PRKG1: variants seen among roughly 807,000 people sequenced by gnomAD.
PRKG1 encodes protein kinase cGMP-dependent 1.
PRKG1 carries 35 observed loss-of-function variants against 88.1 expected under a neutral mutation model. That is an observed-to-expected ratio of 0.40 (90% confidence interval 0.30 to 0.53). The LOEUF (loss-of-function observed/expected upper bound fraction) is 0.53, where lower values mean the gene tolerates loss of function less well. PRKG1 is among the 20% of genes least tolerant of loss of function. PRKG1 has a pLI of 0.59. For missense variants in PRKG1, 540 were observed against 839.8 expected (o/e 0.64, Z 4.41); for synonymous variants, 303 against 292.5 (o/e 1.04, Z -0.37).
intron 5 of PRKG1, among the ~76,000 whole-genome samples, chr10:52,020,544 G>A (rs765003625): frequency 1.3e-5 from 2 of 152,188 alleles, no homozygotes; most frequent in African/African-American, 4.8e-5. Flanking sequence ...GAACAGGAAA[G>A]AAAGGAAAGT....
At chr10:51,450,869 C>T (rs1564501889) in intron 2 of PRKG1, among the ~76,000 whole-genome samples, 2 of 151,394 alleles carry the variant, frequency 1.3e-5, no homozygotes, top group African/African-American at 4.8e-5. Flanking sequence ...AAAAAGATGC[C>T]CCTCATTGTG....
intron 4 of PRKG1, among the ~76,000 whole-genome samples, chr10:51,819,204 T>C (rs905380903): frequency 6.6e-6 from 1 of 151,612 alleles, no homozygotes; most frequent in African/African-American, 2.4e-5. Context: ...TGTATAGAGA[T>C]CACATGGTGA....
At chr10:51,373,382 A>T (rs1020636778) in intron 2 of PRKG1, among the ~76,000 whole-genome samples, 2 of 152,192 alleles carry the variant, frequency 1.3e-5, no homozygotes, top group African/African-American at 2.4e-5. Context: ...CTAAGGTTTG[A>T]TAAGGAGGTG....
Position 52,120,718 on chromosome 10 carries a change from G to A in PRKG1, c.936-13122G>A, listed in dbSNP as rs188666028. The stretch of plus-strand genomic sequence containing the variant: ...AGGAGTTGGGCTCCCCAGACCTCAG[G>A]CAGCCCCGCCCCTGTGTCTTTGCTG... On this transcript the variant is annotated intron_variant, in intron 7 of 17. Transcript: ENST00000373980. Among the ~76,000 whole-genome samples, 38 of 152,256 alleles carry A rather than the reference G, an allele frequency of 2.5e-4. 1 individual carries two copies. The highest frequency in any genetic ancestry group is 6.8e-3 in the Middle Eastern group (2 of 294).
chr10:51,003,557 G>C (rs537883699), intron 1 of PRKG1, among the ~76,000 whole-genome samples: 1 of 152,210 alleles, frequency 6.6e-6, no homozygotes, highest in African/African-American at 2.4e-5. Context: ...ATGAGCATAC[G>C]CTAAATCTCA....
chr10:52,012,408 A>T (rs1365440425), intron 5 of PRKG1, among the ~76,000 whole-genome samples: 4 of 151,794 alleles, frequency 2.6e-5, no homozygotes, highest in Admixed American at 2.0e-4. Flanking sequence ...CTCCTGGCTA[A>T]TTTTTTTGTA....
At position 52,269,024 on chromosome 10, in the gene PRKG1, TA is replaced by T. The variant is rs745939610; in HGVS notation, c.1174-2323del. On this transcript the variant is annotated intron_variant, in intron 10 of 17. Transcript: ENST00000373980. ...GAATTCAAGTCCAGACCTGTGACTA[TA>T]AAGGCTGAATTCTTTCCTCCTACCC... Among the ~76,000 whole-genome samples, 62 of 151,614 alleles carry T rather than the reference TA, an allele frequency of 4.1e-4. 1 individual carries two copies. Among genetic ancestry groups the T allele is most frequent in the Admixed American group, 2.0e-4 (3 of 15,218 alleles).
intron 3 of PRKG1, among the ~76,000 whole-genome samples, chr10:51,763,139 G>A (rs980818966): frequency 1.3e-5 from 2 of 152,068 alleles, no homozygotes; most frequent in Non-Finnish European, 2.9e-5. Context: ...TTTTTGCATG[G>A]TTCTTGGAGA....
intron 8 of PRKG1, among the ~76,000 whole-genome samples, chr10:52,161,555 G>A (rs1468907619): frequency 6.6e-6 from 1 of 152,010 alleles, no homozygotes; most frequent in Non-Finnish European, 1.5e-5. Flanking sequence ...TATTTTAATT[G>A]ACTGATTAAC....
At chr10:52,026,306 CAAAAT>C (rs1389546156) in intron 5 of PRKG1, among the ~76,000 whole-genome samples, 1 of 152,048 alleles carries the variant, frequency 6.6e-6, no homozygotes, top group Non-Finnish European at 1.5e-5. Flanking sequence ...CTAAACAAAA[CAAAAT>C]AGTGAGAGGC....
chr10:51,576,161 G>C (rs1837880064), intron 3 of PRKG1, among the ~76,000 whole-genome samples: 1 of 151,820 alleles, frequency 6.6e-6, no homozygotes, highest in Admixed American at 6.6e-5. Context: ...TAGTGAAGCT[G>C]GAATTTGAAG....
intron 2 of PRKG1, among the ~76,000 whole-genome samples, chr10:51,406,621 GTTT>G (rs34189565): frequency 0.13 from 18,036 of 141,918 alleles, 1,269 homozygotes; most frequent in Admixed American, 0.24. Flanking sequence ...CATTATGTTT[GTTT>G]TTTTTTTTTT....
chr10:51,761,049 G>T (rs1313623678), intron 3 of PRKG1, among the ~76,000 whole-genome samples: 1 of 152,148 alleles, frequency 6.6e-6, no homozygotes, highest in Non-Finnish European at 1.5e-5. Flanking sequence ...AGAGGCAGAG[G>T]TTGGCAGTGA....
At chr10:51,743,512 A>G (rs920993785) in intron 3 of PRKG1, among the ~76,000 whole-genome samples, 3 of 151,338 alleles carry the variant, frequency 2.0e-5, no homozygotes, top group Admixed American at 6.6e-5. Flanking sequence ...CCTCAGTAAC[A>G]TCTTCCCGAG....
rs754823883 is a variant in PRKG1 at position 51,785,115 on chromosome 10, TTTC to T, written c.593-19461_593-19459del. ...GTCCTCGTTAGAAATAGCTTCTTGATTTCTTCTTCTTTTTTTTTTTTTTAATAA... is the reference window on the plus strand; with the variant it reads ...GTCCTCGTTAGAAATAGCTTCTTGATTTCTTCTTTTTTTTTTTTTTAATAA... On this transcript the variant is annotated intron_variant, in intron 3 of 17. Coordinates refer to ENST00000373980, the MANE Select transcript of PRKG1 (RefSeq NM_006258.4). Among the ~76,000 whole-genome samples the T allele has an allele frequency of 7.4e-5, 11 of 148,642 alleles. No individual in the cohort carries two copies. The South Asian group carries it at 1.3e-3, about 17-fold the overall frequency.
rs187737363 is a variant in PRKG1, at chr10:51,760,888, G to C, written c.593-43697G>C. ...TTAGCACCGCGGGAGGCTGAAGCGG[G>C]TGGATCACCTGAGGTCAGGAGTTTG... is the stretch of plus-strand genomic sequence containing the variant. On this transcript the variant is annotated intron_variant, in intron 3 of 17. Transcript: ENST00000373980. 1.1e-4 allele frequency among the ~76,000 whole-genome samples: 16 copies of C among 152,288 alleles called. No individual in the cohort carries two copies. The East Asian group carries it at 3.1e-3, about 30-fold the overall frequency.
intron 1 of PRKG1, among the ~76,000 whole-genome samples, chr10:51,026,190 A>G (rs1843202667): frequency 6.6e-6 from 1 of 152,120 alleles, no homozygotes; most frequent in Non-Finnish European, 1.5e-5. Flanking sequence ...CAACACCTTG[A>G]TTTTGGACTT....
chr10:51,585,279 T>G (rs1248981097), intron 3 of PRKG1, among the ~76,000 whole-genome samples: 1 of 152,170 alleles, frequency 6.6e-6, no homozygotes, highest in East Asian at 1.9e-4. Context: ...GGTAGGATCA[T>G]GCTCCTTTGC....
intron 2 of PRKG1, among the ~76,000 whole-genome samples, chr10:51,237,884 G>A (rs1362353010): frequency 3.9e-5 from 6 of 152,024 alleles, no homozygotes; most frequent in Admixed American, 3.9e-4. Flanking sequence ...CCAAGTAGAT[G>A]GTTAGATGTA....
Sources: gnomAD v4.1 joint callset for allele counts (sites outside exome capture counted in the v4.1 genomes callset) on GRCh38, gnomAD v4.1.1 for gene constraint, MANE v1.5 for transcripts, NCBI Gene and HGNC (gene_info 2026-07-23, HGNC 2026-07-21) for gene names.